The following KCNA2 variants were observed in gnomAD, a reference collection of about 807,000 sequenced individuals.
KCNA2 encodes potassium voltage-gated channel subfamily A member 2, also known as potassium channel, voltage gated shaker related subfamily A, member 2.
Under a neutral mutation model 33.4 loss-of-function variants are expected in KCNA2, and 11 were observed. The observed-to-expected ratio is 0.33, with a 90% confidence interval of 0.21 to 0.55. The LOEUF (loss-of-function observed/expected upper bound fraction) is 0.55. Among genes scored for constraint, KCNA2 ranks in the 20% least tolerant of loss-of-function variants. The pLI is 0.93. For missense variants in KCNA2, 291 were observed against 621.6 expected (o/e 0.47, Z 5.66); for synonymous variants, 222 against 231.3 (o/e 0.96, Z 0.37).
intron 1 of KCNA2, among the ~76,000 whole-genome samples, chr1:110,629,266 C>G (rs1031015435): frequency 3.3e-5 from 5 of 152,128 alleles, no homozygotes; most frequent in Non-Finnish European, 7.3e-5. Flanking sequence ...TTTTAAGGTC[C>G]CCACCAATGG....
At chr1:110,618,456 T>C (rs1024673529) in intron 1 of KCNA2, among the ~76,000 whole-genome samples, 1 of 152,224 alleles carries the variant, frequency 6.6e-6, no homozygotes, top group African/African-American at 2.4e-5. Context: ...GGAATGTGGC[T>C]GCCTTCCCTC....
intron 1 of KCNA2, among the ~76,000 whole-genome samples, chr1:110,617,751 G>A (rs939076918): frequency 4.3e-4 from 66 of 152,148 alleles, no homozygotes; most frequent in Admixed American, 4.1e-3. Flanking sequence ...TGGAGGGGCC[G>A]CCACAGGGCT....
chr1:110,613,443 A>G (rs1372228173), intron 1 of KCNA2, among the ~76,000 whole-genome samples: 1 of 152,268 alleles, frequency 6.6e-6, no homozygotes, highest in African/African-American at 2.4e-5. Context: ...GTGAACCAGC[A>G]AACACCAGCA....
chr1:110,606,448 G>A (rs1051543944), upstream of KCNA2: 3 of 152,202 alleles, frequency 2.0e-5, no homozygotes, highest in Admixed American at 1.3e-4. Context: ...GCCCCCTGCC[G>A]ACCCAATCCC....
chr1:110,602,544 A>C lies in KCNA2; in HGVS notation c.*739T>G, dbSNP rs1005922494. The C allele has an allele frequency of 5.6e-6, 6 of 1,064,568 alleles. No homozygotes were observed. In the African/African-American group the frequency reaches 1.0e-4, roughly 18 times the overall value. 65.9% of individuals were successfully genotyped at this position (1,064,568 alleles called of 1,614,324 possible). ...GACCCTGGAGCCTGCAAAAATGGTG[A>C]AATCAGAGGCTTAGAGGTCTGTTGG... On this transcript the variant is annotated 3_prime_UTR_variant, in exon 3 of 3. Transcript: ENST00000316361.
At chr1:110,613,101 G>C (rs1649932284) in intron 1 of KCNA2, among the ~76,000 whole-genome samples, 1 of 152,240 alleles carries the variant, frequency 6.6e-6, no homozygotes, top group Non-Finnish European at 1.5e-5. Flanking sequence ...TGAGCTTCCA[G>C]ATGGCTCCAG....
Position 110,601,249 on chromosome 1 carries a change from A to G in KCNA2, c.*2034T>C. On this transcript the variant is annotated 3_prime_UTR_variant, in exon 3 of 3. Transcript: ENST00000316361. ...CTTTGGATCATCTAGGGACTCCATC[A>G]CTTAGTCCCGGACTTCAGACATTTC... 1.0e-6 allele frequency: 1 copy of G among 985,386 alleles called. No homozygotes were observed. Among genetic ancestry groups the G allele is most frequent in the African/African-American group, 1.7e-5 (1 of 57,338 alleles). The allele number at this position is 985,386 out of a possible 1,614,324, so 61.0% of individuals were successfully genotyped here. A position where few individuals can be genotyped will look rare whatever the true frequency, so the allele number is the denominator to read the frequency against.
Position 110,601,861 on chromosome 1 carries a change from T to C in KCNA2, c.*1422A>G, listed in dbSNP as rs1459307430. 7.0e-7 allele frequency: 1 copy of C among 1,434,428 alleles called. No individual in the cohort carries two copies. The highest frequency in any genetic ancestry group is 9.1e-7 in the Non-Finnish European group (1 of 1,099,336). 88.9% of individuals were successfully genotyped at this position (1,434,428 alleles called of 1,614,324 possible). ...ATACACACATATGTATGTATATATA[T>C]ACACCCTAGTGCACATAGTCAAACA... On this transcript the variant is annotated 3_prime_UTR_variant, in exon 3 of 3. Transcript: ENST00000316361.
rs765136247 is a variant in KCNA2, at chr1:110,604,829, G to A, written c.-47C>T. 1.4e-5 allele frequency: 22 copies of A among 1,540,602 alleles called. No homozygotes were observed. Among genetic ancestry groups the A allele is most frequent in the Non-Finnish European group, 1.8e-5 (21 of 1,136,352 alleles). On this transcript the variant is annotated 5_prime_UTR_variant, in exon 3 of 3. Transcript: ENST00000316361. The surrounding 1 kb of genome is among the most constrained non-coding windows in gnomAD (Gnocchi z 7.6). ...CTCACGCTATGCCTTTCAGCTGCCT[G>A]GTGGCAGGGAGCTCAGGGTGCTGCT... is the stretch of plus-strand genomic sequence containing the variant.
rs1649438312 is a variant in KCNA2 at position 110,603,278 on chromosome 1, TTCAA to T, written c.*1_*4del. On this transcript the variant is annotated 3_prime_UTR_variant, in exon 3 of 3. Coordinates refer to ENST00000316361, the MANE Select transcript of KCNA2 (RefSeq NM_004974.4). This position sits in a 1 kb window ranked among gnomAD's most constrained non-coding sequence, Gnocchi z 5.7. ...TTGAGCTGTGAGTACGGTAATAGGT[TTCAA>T]TCAGACATCAGTTAACATTTTGGTA... 4 of 1,595,166 alleles carry T rather than the reference TTCAA, an allele frequency of 2.5e-6. No individual in the cohort carries two copies. The highest frequency in any genetic ancestry group is 1.7e-6 in the Non-Finnish European group (2 of 1,171,126).
chr1:110,604,239 G>A lies in KCNA2; in HGVS notation c.544C>T (p.Leu182=), dbSNP rs367662144. Residue 182 remains leucine (L), a synonymous_variant, in exon 3 of 3, where the codon CTG becomes TTG. Transcript: ENST00000316361. The surrounding 1 kb of genome is among the most constrained non-coding windows in gnomAD (Gnocchi z 7.6). ...VILISIVSFC[L]ETLPIFRDEN... Reference sequence around the variant, plus strand: ...TCCCGGAAGATGGGCAATGTTTCCAGACAGAAGCTGACAATTGAGATCAGA... The same window carrying A: ...TCCCGGAAGATGGGCAATGTTTCCAAACAGAAGCTGACAATTGAGATCAGA... 1 of 1,614,216 alleles carries A rather than the reference G, an allele frequency of 6.2e-7. No homozygotes were observed. The highest frequency in any genetic ancestry group is 2.2e-5 in the East Asian group (1 of 44,890).
chr1:110,618,072 C>T (rs555634539), intron 1 of KCNA2, among the ~76,000 whole-genome samples: 13 of 152,110 alleles, frequency 8.5e-5, no homozygotes, highest in Admixed American at 3.3e-4. Context: ...CTGGGTGCGG[C>T]GGCTCATGCC....
At chr1:110,621,143 A>G (rs997173510) in intron 1 of KCNA2, among the ~76,000 whole-genome samples, 5 of 152,212 alleles carry the variant, frequency 3.3e-5, no homozygotes, top group African/African-American at 1.2e-4. Flanking sequence ...TTGGTGTCTG[A>G]CTTGCTCTGT....
At chr1:110,619,195 C>T (rs1028152370) in intron 1 of KCNA2, among the ~76,000 whole-genome samples, 4 of 152,200 alleles carry the variant, frequency 2.6e-5, no homozygotes, top group African/African-American at 9.7e-5. Context: ...CCCTGGGAGA[C>T]TGTACCCCCA....
At position 110,593,905 on chromosome 1, in the gene KCNA2, G is replaced by C; in HGVS notation, c.*9378C>G. 1 of 1,550,168 alleles carries C rather than the reference G, an allele frequency of 6.5e-7. No homozygotes were observed. Among genetic ancestry groups the C allele is most frequent in the Non-Finnish European group, 8.7e-7 (1 of 1,146,842 alleles). On this transcript the variant is annotated 3_prime_UTR_variant, in exon 3 of 3. Transcript: ENST00000316361. ...AAGAATGATAATATCAATACATCCT[G>C]TGCAATGTAGTTACAGCTGGTGTCT...
chr1:110,624,599 G>C (rs1650344680), intron 1 of KCNA2, among the ~76,000 whole-genome samples: 1 of 152,202 alleles, frequency 6.6e-6, no homozygotes, highest in South Asian at 2.1e-4. Context: ...GCATTTTGTA[G>C]TGTATAAGTT....
In KCNA2 at chr1:110,596,335, CTATATATA is replaced by C. The variant is rs141819879; in HGVS notation, c.*6940_*6947del. The C allele has an allele frequency of 9.8e-4, 329 of 335,664 alleles. No homozygotes were observed. The highest frequency in any genetic ancestry group is 1.3e-3 in the Admixed American group (20 of 14,958). The allele number at this position is 335,664 out of a possible 1,614,324, so 20.8% of individuals were successfully genotyped here. A position where few individuals can be genotyped will look rare whatever the true frequency, so the allele number is the denominator to read the frequency against. On this transcript the variant is annotated 3_prime_UTR_variant, in exon 3 of 3. Coordinates refer to ENST00000316361, the MANE Select transcript of KCNA2 (RefSeq NM_004974.4). ...AAAATAGTATACATATATACATATA[CTATATATA>C]TATATATACACACATAAATATATGT...
intron 1 of KCNA2, among the ~76,000 whole-genome samples, chr1:110,616,379 G>A (rs1333168630): frequency 2.0e-5 from 3 of 152,158 alleles, no homozygotes; most frequent in African/African-American, 7.2e-5. Context: ...CGGGGTAGAG[G>A]GTGGAAGTCA....
Position 110,599,726 on chromosome 1 carries a change from C to A in KCNA2, c.*3557G>T, listed in dbSNP as rs1224760396. The stretch of plus-strand genomic sequence containing the variant: ...CCCTGGTCCTGGGCTCAAGATCCTG[C>A]AGTTTCTTGAGCCATTACTGCTTTT... On this transcript the variant is annotated 3_prime_UTR_variant, in exon 3 of 3. Transcript: ENST00000316361. The A allele has an allele frequency of 2.0e-6, 2 of 985,286 alleles. No individual in the cohort carries two copies. Among genetic ancestry groups the A allele is most frequent in the East Asian group, 1.1e-4 (1 of 8,822 alleles). The allele number at this position is 985,286 out of a possible 1,614,324, so 61.0% of individuals were successfully genotyped here.
Sources: allele counts gnomAD v4.1 joint callset (sites outside exome capture counted in the v4.1 genomes callset), GRCh38; gene constraint gnomAD v4.1.1; non-coding constraint Gnocchi (gnomAD v3.1); transcripts MANE v1.5; gene names NCBI Gene and HGNC (gene_info 2026-07-23, HGNC 2026-07-21).